The following PDE10A variants were observed in gnomAD, a reference collection of about 807,000 sequenced individuals.
PDE10A encodes the protein phosphodiesterase 10A.
A neutral mutation model predicts 97.7 loss-of-function variants in PDE10A; 39 were observed. The observed-to-expected ratio is 0.40, with a 90% confidence interval of 0.31 to 0.52. The LOEUF is 0.52. PDE10A is among the 20% of genes least tolerant of loss of function. PDE10A has a pLI of 0.56. For missense variants in PDE10A, 731 were observed against 1,047.8 expected (o/e 0.70, Z 4.17); for synonymous variants, 371 against 376.8 (o/e 0.98, Z 0.18).
At chr6:165,412,950 T>C (rs2128227447) in intron 13 of PDE10A, among the ~76,000 whole-genome samples, 1 of 152,338 alleles carries the variant, frequency 6.6e-6, no homozygotes, top group East Asian at 1.9e-4. Context: ...TCCACTATTT[T>C]TAAAGTGAGA....
chr6:165,634,899 T>C (rs1788802078), intron 1 of PDE10A, among the ~76,000 whole-genome samples: 1 of 152,210 alleles, frequency 6.6e-6, no homozygotes, highest in Non-Finnish European at 1.5e-5. Flanking sequence ...CACTGGCTAG[T>C]TCCACATGGC....
chr6:165,934,097 C>T (rs1007861920), intron 1 of PDE10A, among the ~76,000 whole-genome samples: 1 of 151,652 alleles, frequency 6.6e-6, no homozygotes, highest in Admixed American at 6.6e-5. Context: ...AATTCTCCTG[C>T]CTCAGCCTCT....
At chr6:165,963,636 G>A (rs1784420668) in intron 1 of PDE10A, among the ~76,000 whole-genome samples, 1 of 152,160 alleles carries the variant, frequency 6.6e-6, no homozygotes, top group African/African-American at 2.4e-5. Flanking sequence ...TAAAGAAAAG[G>A]GCCCAGAGAG....
intron 1 of PDE10A, among the ~76,000 whole-genome samples, chr6:165,647,691 T>C (rs1438614867): frequency 6.6e-6 from 1 of 152,210 alleles, no homozygotes; most frequent in Non-Finnish European, 1.5e-5. Context: ...AAGAAACACC[T>C]TTCCCAGCCA....
At chr6:165,634,667 A>G (rs1394075665) in intron 1 of PDE10A, among the ~76,000 whole-genome samples, 1 of 152,236 alleles carries the variant, frequency 6.6e-6, no homozygotes, top group Admixed American at 6.5e-5. Context: ...CACACAGGCT[A>G]CGGAGAAGCC....
chr6:165,503,178 G>A (rs760935543), intron 2 of PDE10A, among the ~76,000 whole-genome samples: 6 of 152,048 alleles, frequency 3.9e-5, no homozygotes, highest in Non-Finnish European at 5.9e-5. Context: ...CACCAGCTGA[G>A]GGCAGCAGCA....
chr6:165,933,832 G>T (rs1562804796), intron 1 of PDE10A, among the ~76,000 whole-genome samples: 1 of 152,184 alleles, frequency 6.6e-6, no homozygotes, highest in African/African-American at 2.4e-5. Flanking sequence ...TACCTTCCAA[G>T]TGTAGCCGGG....
At chr6:165,608,127 T>C (rs1045129450) in intron 1 of PDE10A, among the ~76,000 whole-genome samples, 1 of 149,948 alleles carries the variant, frequency 6.7e-6, no homozygotes, top group Non-Finnish European at 1.5e-5. Flanking sequence ...TATATTTTAT[T>C]ATACTTTAAG....
intron 1 of PDE10A, among the ~76,000 whole-genome samples, chr6:165,762,162 T>C (rs983575782): frequency 2.0e-5 from 3 of 152,346 alleles, no homozygotes; most frequent in Admixed American, 6.5e-5. Flanking sequence ...AGCAATCTGC[T>C]TCCTATTGAA....
At chr6:165,433,186 A>G (rs1349740651) in intron 6 of PDE10A, 57 bp from the exon 7 acceptor site, 4 of 1,324,090 alleles carry the variant, frequency 3.0e-6, no homozygotes, top group East Asian at 2.3e-5. Flanking sequence ...TTAAGTGATG[A>G]TTCTTATTTC....
intron 3 of PDE10A, among the ~76,000 whole-genome samples, chr6:165,481,803 T>C (rs1562507695): frequency 6.6e-6 from 1 of 152,326 alleles, no homozygotes; most frequent in East Asian, 1.9e-4. Flanking sequence ...ATATCTTGCT[T>C]TCAACACGAG....
intron 1 of PDE10A, among the ~76,000 whole-genome samples, chr6:165,853,529 T>C (rs1431320242): frequency 1.3e-5 from 2 of 152,232 alleles, no homozygotes; most frequent in Non-Finnish European, 2.9e-5. Flanking sequence ...AGGATATTAT[T>C]TTGTATATTA....
At chr6:165,942,292 A>G (rs111552025) in intron 1 of PDE10A, among the ~76,000 whole-genome samples, 2 of 113,572 alleles carry the variant, frequency 1.8e-5, no homozygotes, top group East Asian at 2.2e-4. Flanking sequence ...ATGTGTGTGT[A>G]TATATATATA....
chr6:165,611,629 T>G (rs942817497), intron 1 of PDE10A, among the ~76,000 whole-genome samples: 13 of 152,268 alleles, frequency 8.5e-5, no homozygotes, highest in African/African-American at 3.1e-4. Flanking sequence ...ATCAATTGCC[T>G]GCTAGCCTAT....
chr6:165,385,199 G>T (rs982132574), intron 17 of PDE10A, among the ~76,000 whole-genome samples: 1 of 151,946 alleles, frequency 6.6e-6, no homozygotes, highest in African/African-American at 2.4e-5. Context: ...TGGAGGGATG[G>T]GAAGATAAAG....
chr6:165,569,708 G>T (rs748015321), intron 1 of PDE10A, among the ~76,000 whole-genome samples: 2 of 152,108 alleles, frequency 1.3e-5, no homozygotes, highest in Non-Finnish European at 2.9e-5. Context: ...AACCAAGGAA[G>T]AATGCTTCAC....
chr6:165,417,087 T>C (rs944362377), intron 11 of PDE10A, among the ~76,000 whole-genome samples: 1 of 152,220 alleles, frequency 6.6e-6, no homozygotes, highest in Admixed American at 6.5e-5. Context: ...TATTATTACA[T>C]TGTCAACATT....
intron 1 of PDE10A, among the ~76,000 whole-genome samples, chr6:165,749,408 C>T (rs1792938001): frequency 7.3e-6 from 1 of 136,960 alleles, no homozygotes; most frequent in East Asian, 2.3e-4. Flanking sequence ...CCATCAACAC[C>T]ATCACCATCA....
chr6:165,984,067 A>G lies in PDE10A; in HGVS notation c.-615+3462T>C, dbSNP rs374525159. On this transcript the variant is annotated intron_variant, in intron 1 of 19. Coordinates refer to the PDE10A transcript ENST00000366882. ...ATGGTAGTGGAGTGTTCACCCTTCA[A>G]TGGTTTCTACAGTTACATATTCTCA... Among the ~76,000 whole-genome samples the G allele has an allele frequency of 5.9e-5, 9 of 152,348 alleles. No individual in the cohort carries two copies. The South Asian group carries it at 8.3e-4, about 14-fold the overall frequency.
Sources: gnomAD v4.1 joint callset for allele counts (sites outside exome capture counted in the v4.1 genomes callset) on GRCh38, gnomAD v4.1.1 for gene constraint, MANE v1.5 for transcripts, NCBI Gene and HGNC (gene_info 2026-07-23, HGNC 2026-07-21) for gene names.